MYH6: variants seen among roughly 807,000 people sequenced by gnomAD.
The protein encoded by MYH6 is myosin heavy chain 6, also known as myosin-6.
A neutral mutation model predicts 223.2 loss-of-function variants in MYH6; 126 were observed. The ratio of observed to expected loss-of-function variants is 0.56; its 90% CI spans 0.49 to 0.65. The LOEUF (loss-of-function observed/expected upper bound fraction) is 0.65. MYH6 is among the 30% of genes least tolerant of loss of function. The pLI is 0.00. For synonymous variants in MYH6, 978 were observed against 1,010.2 expected (o/e 0.97, Z 0.61); for missense variants, 2,040 against 2,536.4 (o/e 0.80, Z 4.20).
chr14:23,404,516 C>A, intron 7 of MYH6, 128 bp from the exon 8 acceptor site: 1 of 1,198,082 alleles, frequency 8.3e-7, no homozygotes, highest in African/African-American at 1.5e-5. Context: ...AGTGGGTCTG[C>A]GACTCCACAG....
chr14:23,383,184 T>C (rs1890909573), intron 37 of MYH6, 41 bp downstream of exon 37: 1 of 1,499,290 alleles, frequency 6.7e-7, no homozygotes, highest in Middle Eastern at 2.3e-4. Context: ...TCACAAATAG[T>C]AGGTGTGTTG....
intron 28 of MYH6, 137 bp downstream of exon 28, chr14:23,389,256 G>C (rs1891150980): frequency 8.4e-7 from 1 of 1,186,854 alleles, no homozygotes; most frequent in African/African-American, 1.5e-5. Context: ...ATGACGCTTA[G>C]CTGCAGGGCA....
At chr14:23,387,408 G>T (rs1891062705) in intron 32 of MYH6, 121 bp downstream of exon 32, 1 of 1,508,408 alleles carries the variant, frequency 6.6e-7, no homozygotes, top group Admixed American at 1.7e-5. Context: ...GGTAGATAAT[G>T]TTGAACAAAG....
At position 23,392,378 on chromosome 14, in the gene MYH6, C is replaced by G. The variant is rs375720529; in HGVS notation, c.3342+184G>C. On this transcript the variant is annotated intron_variant, in intron 25 of 38. Coordinates refer to ENST00000405093, the MANE Select transcript of MYH6 (RefSeq NM_002471.4). The stretch of plus-strand genomic sequence containing the variant: ...CCCCCTTCTCAAACAGTTTTGCTAA[C>G]GTAATGTATTCTTGCTCTATGGGGG... 1.2e-3 allele frequency among the ~76,000 whole-genome samples: 180 copies of G among 152,210 alleles called. 2 individuals carry two copies. The highest frequency in any genetic ancestry group is 6.8e-3 in the Middle Eastern group (2 of 294).
chr14:23,403,400 T>C lies in MYH6; in HGVS notation c.846A>G (p.Arg282=), dbSNP rs1566515418. Residue 282 remains arginine (R), a synonymous_variant, in exon 10 of 39, where the codon AGA becomes AGG. Coordinates refer to ENST00000405093, the MANE Select transcript of MYH6 (RefSeq NM_002471.4). ...SRVIFQLKAE[R]NYHIFYQILS... ...GAATCTGGTAGAAGATGTGGTAGTT[T>C]CTCTCAGCTTTCAGCTGGAAGATCA... is the stretch of plus-strand genomic sequence containing the variant. 6.2e-7 allele frequency: 1 copy of C among 1,613,968 alleles called. No individual in the cohort carries two copies. Among genetic ancestry groups the C allele is most frequent in the Non-Finnish European group, 8.5e-7 (1 of 1,179,970 alleles).
chr14:23,386,166 A>G, intron 33 of MYH6, 35 bp from the exon 34 acceptor site: 1 of 1,614,006 alleles, frequency 6.2e-7, no homozygotes, highest in South Asian at 1.1e-5. Flanking sequence ...AGCAGAAGCC[A>G]GCCTCGGTGC....
rs754373738 is a variant in MYH6, at chr14:23,390,237, C to T, written c.3552G>A (p.Thr1184=). 36 of 1,584,226 alleles carry T rather than the reference C, an allele frequency of 2.3e-5. No individual in the cohort carries two copies. Among genetic ancestry groups the T allele is most frequent in the Non-Finnish European group, 3.0e-5 (35 of 1,162,308 alleles). Residue 1184 remains threonine, a synonymous_variant, in exon 26 of 39, where the codon ACG becomes ACA. Transcript: ENST00000405093. The part of the protein sequence containing the change: ...QKMRRDLEEA[T]LQHEATAAAL... ...CCGCGGCAGTGGCCTCGTGCTGCAG[C>T]GTGGCCTCCTCCAGGTCCCGCCGCA...
Position 23,386,527 on chromosome 14 carries a change from C to T in MYH6, c.4747G>A (p.Glu1583Lys), listed in dbSNP as rs397516771. ...TTGCGCTTGGCCTGTTCCATCTCCT[C>T]GTCCTTCTCTGCCAGCTTCCGCTCG... ...EIERKLAEKD[E>K]EMEQAKRNHQ... Residue 1583 changes from glutamate (E) to lysine (K), a missense_variant, in exon 33 of 39, where the codon GAG (glutamate) becomes AAG (lysine). Glu to Lys is a moderately conservative substitution (Grantham distance 56). Transcript: ENST00000405093. The T allele has an allele frequency of 4.2e-5, 67 of 1,614,132 alleles. No individual in the cohort carries two copies. The highest frequency in any genetic ancestry group is 1.2e-4 in the South Asian group (11 of 91,088).
At chr14:23,404,955 T>C in intron 6 of MYH6, 133 bp from the exon 7 acceptor site, 1 of 1,496,648 alleles carries the variant, frequency 6.7e-7, no homozygotes. Flanking sequence ...ACATGGTTCA[T>C]TGCTCTGGCA....
chr14:23,400,680 T>C (rs1891572289), intron 13 of MYH6, 29 bp downstream of exon 13: 1 of 1,614,090 alleles, frequency 6.2e-7, no homozygotes, highest in Non-Finnish European at 8.5e-7. Flanking sequence ...CGAGTGATTG[T>C]TCTCCCACTC....
At chr14:23,388,547 G>T in intron 29 of MYH6, 1 of 901,770 alleles carries the variant, frequency 1.1e-6, no homozygotes, top group Non-Finnish European at 1.9e-6. Flanking sequence ...CTGGGTGTCA[G>T]TGCCCCCTGC....
chr14:23,405,288 T>C lies in MYH6; in HGVS notation c.437A>G (p.Lys146Arg), dbSNP rs1555335081. ...AEVVAAYRGK[K>R]RSEAPPHIFS... ...GATGTGGGGCGGGGCCTCACTCCTC[T>C]TCTTGCCCCGGTAGGCGGCCACCAC... The change falls in exon 5 of 39, where the codon AAG (lysine) becomes AGG (arginine). Residue 146 changes from lysine (K) to arginine (R), a missense_variant. Transcript: ENST00000405093. This position sits in a 1 kb window ranked among gnomAD's most constrained non-coding sequence, Gnocchi z 4.7. 10 of 1,614,180 alleles carry C rather than the reference T, an allele frequency of 6.2e-6. No individual in the cohort carries two copies. Among genetic ancestry groups the C allele is most frequent in the Non-Finnish European group, 7.6e-6 (9 of 1,180,008 alleles).
In MYH6 at chr14:23,382,049, A is replaced by G. The variant is rs1595045701; in HGVS notation, c.5811T>C (p.Asp1937=). 2.5e-6 allele frequency: 4 copies of G among 1,614,182 alleles called. No individual in the cohort carries two copies. Among genetic ancestry groups the G allele is most frequent in the Non-Finnish European group, 3.4e-6 (4 of 1,180,016 alleles). The part of the protein sequence containing the change: ...RDIGAKQKMH[D]EE ...GGTTCCCGAGGCAGTGTCACTCCTC[A>G]TCGTGCATTTTTTGCTGCAAAAAGA... The change falls in exon 39 of 39, where the codon GAT becomes GAC. Residue 1937 remains aspartate (D), a synonymous_variant. Transcript: ENST00000405093.
chr14:23,398,862 G>T lies in MYH6; in HGVS notation c.1757C>A (p.Thr586Asn). ...AHFSLIHYAG[T>N]VDYNILGWLE... ...CCAGCCCAGGATGTTGTAGTCCACA[G>T]TGCCGGCGTAGTGGATCAGGGAGAA... The change falls in exon 15 of 39, where the codon ACT becomes AAT. Residue 586 changes from threonine to asparagine, a missense_variant. Around this residue, in one of 4 missense-constraint regions of MYH6, gnomAD observed 649 missense variants for 877.3 expected, o/e 0.74. Transcript: ENST00000405093. 1 of 1,614,196 alleles carries T rather than the reference G, an allele frequency of 6.2e-7. No individual in the cohort carries two copies. Among genetic ancestry groups the T allele is most frequent in the Non-Finnish European group, 8.5e-7 (1 of 1,180,048 alleles).
chr14:23,397,959 T>TTCTTCTTTTTCTTCTTCC (rs1891469139), intron 15 of MYH6, among the ~76,000 whole-genome samples: 6 of 114,774 alleles, frequency 5.2e-5, no homozygotes, highest in Admixed American at 1.8e-4. Flanking sequence ...CTTCTTCTTC[T>TTCTTCTTTTTCTTCTTCC]TCTTCTTCTT....
At position 23,407,257 on chromosome 14, in the gene MYH6, C is replaced by T. The variant is rs746864148; in HGVS notation, c.-13-21G>A. The stretch of plus-strand genomic sequence containing the variant: ...TTCCCCTGGGTCAGAGACAGGAGGG[C>T]TATGTTACTCCTGAGGGAGCCCAGG... On this transcript the variant is annotated intron_variant, in intron 2 of 38. Transcript: ENST00000405093. This position sits in a 1 kb window ranked among gnomAD's most constrained non-coding sequence, Gnocchi z 5.6. The T allele has an allele frequency of 1.2e-6, 2 of 1,613,004 alleles. No homozygotes were observed. Among genetic ancestry groups the T allele is most frequent in the South Asian group, 2.2e-5 (2 of 91,012 alleles).
At chr14:23,393,111 A>T (rs895445929) in intron 23 of MYH6, 54 bp from the exon 24 acceptor site, 1 of 1,610,582 alleles carries the variant, frequency 6.2e-7, no homozygotes. Context: ...TCCATAGTGT[A>T]TGCTCTTTTG....
intron 36 of MYH6, 21 bp from the exon 37 acceptor site, chr14:23,383,341 G>GGGGGGGGGCCCCCCCCCCCCCCCC: frequency 1.8e-6 from 1 of 556,580 alleles, no homozygotes; most frequent in Non-Finnish European, 3.3e-6. Context: ...GAGGGTGGGA[G>GGGGGGGGGCCCCCCCCCCCCCCCC]AAGCTGGTTT....
At chr14:23,396,650 A>T (rs764461552) in intron 19 of MYH6, 44 bp downstream of exon 19, 7 of 1,614,014 alleles carry the variant, frequency 4.3e-6, no homozygotes, top group Non-Finnish European at 5.9e-6. Flanking sequence ...TCCACTCAAC[A>T]TGGCCACCTG....
Sources: gnomAD v4.1 joint callset for allele counts (sites outside exome capture counted in the v4.1 genomes callset) on GRCh38, gnomAD v4.1.1 for gene constraint, gnomAD v4.1.1 regional missense constraint, Gnocchi (gnomAD v3.1) non-coding constraint, MANE v1.5 for transcripts, NCBI Gene and HGNC (gene_info 2026-07-23, HGNC 2026-07-21) for gene names.